Variants in CALN1 observed in about 807,000 individuals in gnomAD.
CALN1 encodes the protein calneuron 1.
Under a neutral mutation model 30.6 loss-of-function variants are expected in CALN1, and 17 were observed. The ratio of observed to expected loss-of-function variants is 0.56; its 90% CI spans 0.38 to 0.83. The LOEUF (loss-of-function observed/expected upper bound fraction) is 0.83, where lower values mean the gene tolerates loss of function less well. Ranked by LOEUF, CALN1 falls within the 40% of genes least tolerant of loss-of-function variation. The probability of loss-of-function intolerance (pLI) is 0.00; values close to 1 mark genes in which losing one functional copy is unlikely to be tolerated. For missense variants in CALN1, 291 were observed against 354.9 expected, an observed-to-expected ratio of 0.82 and a Z score of 1.45; for synonymous variants, 156 against 131.4, an observed-to-expected ratio of 1.19 and a Z score of -1.28.
chr7:72,264,135 G>C (rs1796459128), intron 3 of CALN1, among the ~76,000 whole-genome samples: 1 of 152,156 alleles, frequency 6.6e-6, no homozygotes, highest in African/African-American at 2.4e-5. Flanking sequence ...AGGAGACGGA[G>C]AGCTGGCAGC....
chr7:72,069,501 G>T (rs941158815), intron 4 of CALN1, among the ~76,000 whole-genome samples: 1 of 152,106 alleles, frequency 6.6e-6, no homozygotes, highest in Non-Finnish European at 1.5e-5. Context: ...CTTCCAGCTT[G>T]TGGTGTCTCC....
At chr7:72,433,539 G>A (rs1441122352) in intron 1 of CALN1, among the ~76,000 whole-genome samples, 1 of 152,082 alleles carries the variant, frequency 6.6e-6, no homozygotes, top group Admixed American at 6.6e-5. Context: ...CGGCTCCTAA[G>A]TAGAAATCCA....
chr7:72,173,301 G>T lies in CALN1; in HGVS notation c.245-67007C>A, dbSNP rs1029335847. Among the ~76,000 whole-genome samples, 9 of 152,040 alleles carry T rather than the reference G, an allele frequency of 5.9e-5. No individual in the cohort carries two copies. The South Asian group carries it at 1.0e-3, about 18-fold the overall frequency. ...TGAAGGTTATAATTTAACGTTATTTGGGCCTTAAGGAAGACCTAAATGAAT... is the reference window on the plus strand; with the variant it reads ...TGAAGGTTATAATTTAACGTTATTTTGGCCTTAAGGAAGACCTAAATGAAT... On this transcript the variant is annotated intron_variant, in intron 3 of 6. Coordinates refer to ENST00000395275, the MANE Select transcript of CALN1 (RefSeq NM_031468.4).
chr7:72,407,754 T>C (rs992853302), intron 1 of CALN1, among the ~76,000 whole-genome samples: 2 of 152,170 alleles, frequency 1.3e-5, no homozygotes, highest in Non-Finnish European at 2.9e-5. Flanking sequence ...TTTTTTCTTT[T>C]TGCACTAATA....
intron 2 of CALN1, among the ~76,000 whole-genome samples, chr7:72,307,469 G>A (rs1585429480): frequency 6.6e-6 from 1 of 152,200 alleles, no homozygotes; most frequent in Admixed American, 6.5e-5. Context: ...TCACTCGGTC[G>A]CTCGTGCAGT....
chr7:72,067,278 G>C (rs1255578057), intron 4 of CALN1, among the ~76,000 whole-genome samples: 1 of 152,088 alleles, frequency 6.6e-6, no homozygotes, highest in Non-Finnish European at 1.5e-5. Flanking sequence ...GTCTCTCTCT[G>C]TCACCCAGGC....
intron 2 of CALN1, among the ~76,000 whole-genome samples, chr7:72,301,230 G>C (rs1442786838): frequency 3.9e-5 from 6 of 152,260 alleles, no homozygotes; most frequent in Admixed American, 3.9e-4. Flanking sequence ...CTGGACTGGA[G>C]ACAGGGTGGA....
intron 4 of CALN1, among the ~76,000 whole-genome samples, chr7:72,042,609 A>T (rs1407878555): frequency 6.6e-6 from 1 of 152,144 alleles, no homozygotes; most frequent in Non-Finnish European, 1.5e-5. Context: ...GATCACACGT[A>T]CGTATAACCC....
intron 2 of CALN1, among the ~76,000 whole-genome samples, chr7:72,364,161 G>A (rs75416209): frequency 0.014 from 2,071 of 152,204 alleles, 61 homozygotes; most frequent in African/African-American, 0.047. Context: ...CAGTAGAGAA[G>A]CATACCTCAT....
chr7:71,885,421 G>C (rs574157498), intron 5 of CALN1, among the ~76,000 whole-genome samples: 2 of 151,924 alleles, frequency 1.3e-5, no homozygotes, highest in East Asian at 3.9e-4. Context: ...CGAAGTGCTG[G>C]GATTACAGGC....
chr7:71,924,777 C>CT (rs1349417278), intron 5 of CALN1, among the ~76,000 whole-genome samples: 1 of 152,056 alleles, frequency 6.6e-6, no homozygotes, highest in African/African-American at 2.4e-5. Flanking sequence ...ATTTTTTTCT[C>CT]TCCAATCTTT....
intron 4 of CALN1, among the ~76,000 whole-genome samples, chr7:72,042,182 T>C (rs1189133996): frequency 1.3e-5 from 2 of 152,130 alleles, no homozygotes; most frequent in Non-Finnish European, 2.9e-5. Flanking sequence ...TTGTCCAGTG[T>C]AACCCACCTA....
intron 4 of CALN1, among the ~76,000 whole-genome samples, chr7:72,031,024 C>T (rs1801404740): frequency 6.6e-6 from 1 of 152,186 alleles, no homozygotes; most frequent in African/African-American, 2.4e-5. Context: ...AATTCATTTA[C>T]ATCTTCCTGC....
chr7:72,207,474 T>A (rs1469462499), intron 3 of CALN1, among the ~76,000 whole-genome samples: 1 of 148,508 alleles, frequency 6.7e-6, no homozygotes, highest in Non-Finnish European at 1.5e-5. Flanking sequence ...TATTTAGTAG[T>A]AGTAGTAGTA....
chr7:71,866,354 TTATA>T (rs1791586421), intron 5 of CALN1, among the ~76,000 whole-genome samples: 1 of 152,036 alleles, frequency 6.6e-6, no homozygotes. Context: ...ACATGCAATA[TTATA>T]TATTTATTAT....
At chr7:72,372,702 G>A (rs1267458044) in intron 2 of CALN1, among the ~76,000 whole-genome samples, 1 of 152,102 alleles carries the variant, frequency 6.6e-6, no homozygotes, top group Non-Finnish European at 1.5e-5. Flanking sequence ...AACTGAAATT[G>A]GAACCATAAC....
intron 5 of CALN1, among the ~76,000 whole-genome samples, chr7:71,878,158 A>G (rs1298496978): frequency 6.6e-6 from 1 of 152,248 alleles, no homozygotes; most frequent in Non-Finnish European, 1.5e-5. Context: ...GCCAGGAATT[A>G]GCCTAGTATA....
intron 2 of CALN1, among the ~76,000 whole-genome samples, chr7:72,328,409 A>ATC (rs1043039905): frequency 1.3e-5 from 2 of 152,228 alleles, no homozygotes; most frequent in Non-Finnish European, 2.9e-5. Flanking sequence ...CATGGAAGAC[A>ATC]TCCTCTTGCT....
chr7:71,962,849 G>A (rs1266635057), intron 5 of CALN1, among the ~76,000 whole-genome samples: 2 of 152,144 alleles, frequency 1.3e-5, no homozygotes, highest in Non-Finnish European at 2.9e-5. Flanking sequence ...ACAATCCCTG[G>A]TGAGATGAAC....
Sources: gnomAD v4.1 joint callset for allele counts (sites outside exome capture counted in the v4.1 genomes callset) on GRCh38, gnomAD v4.1.1 for gene constraint, MANE v1.5 for transcripts, NCBI Gene and HGNC (gene_info 2026-07-23, HGNC 2026-07-21) for gene names.